The following SLC24A2 variants were observed in gnomAD, a reference collection of about 807,000 sequenced individuals.
SLC24A2 encodes solute carrier family 24 member 2, also known as sodium/potassium/calcium exchanger 2.
Under a neutral mutation model 62.0 loss-of-function variants are expected in SLC24A2, and 36 were observed. The ratio of observed to expected loss-of-function variants is 0.58; its 90% CI spans 0.44 to 0.77. SLC24A2 has a LOEUF of 0.77. SLC24A2 is among the 30% of genes least tolerant of loss of function. The pLI is 0.00. For missense variants in SLC24A2, 846 were observed against 817.9 expected (o/e 1.03, Z -0.42); for synonymous variants, 358 against 294.0 (o/e 1.22, Z -2.23).
chr9:19,851,700 T>A, the SLC24A2 span, among the ~76,000 whole-genome samples: 5 of 152,234 alleles, frequency 3.3e-5, no homozygotes, highest in Admixed American at 3.3e-4. Flanking sequence ...GGTGTGTATG[T>A]ACCACATTTT....
At chr9:19,549,536 G>T (rs1352271474) in intron 8 of SLC24A2, among the ~76,000 whole-genome samples, 3 of 152,172 alleles carry the variant, frequency 2.0e-5, no homozygotes, top group Admixed American at 6.5e-5. Context: ...GACCTCTTAT[G>T]TAAAACATTT....
chr9:19,739,684 A>C (rs1821616124), intron 2 of SLC24A2, among the ~76,000 whole-genome samples: 1 of 152,190 alleles, frequency 6.6e-6, no homozygotes, highest in Admixed American at 6.5e-5. Context: ...TTATAAAGCT[A>C]AATGTAAAAG....
At chr9:20,024,863 G>A in the SLC24A2 span, among the ~76,000 whole-genome samples, 3 of 152,104 alleles carry the variant, frequency 2.0e-5, no homozygotes, top group Non-Finnish European at 4.4e-5. Flanking sequence ...GTGTTTTTCA[G>A]TTTGTGGACA....
intron 10 of SLC24A2, among the ~76,000 whole-genome samples, chr9:19,519,166 C>T (rs932018716): frequency 4.6e-5 from 7 of 152,078 alleles, no homozygotes; most frequent in Non-Finnish European, 1.0e-4. Flanking sequence ...CTAATTTATT[C>T]ATAGATGCCT....
At chr9:19,636,716 G>C (rs1818366849) in intron 2 of SLC24A2, among the ~76,000 whole-genome samples, 1 of 152,028 alleles carries the variant, frequency 6.6e-6, no homozygotes, top group Admixed American at 6.6e-5. Flanking sequence ...TTACAGGTGT[G>C]AGCCACCACG....
intron 2 of SLC24A2, among the ~76,000 whole-genome samples, chr9:19,699,078 C>T (rs1049963778): frequency 1.3e-5 from 2 of 152,098 alleles, no homozygotes; most frequent in Admixed American, 1.3e-4. Flanking sequence ...GGAATTCCTG[C>T]CTAGAGGTGC....
intron 2 of SLC24A2, among the ~76,000 whole-genome samples, chr9:19,670,905 C>T (rs985289530): frequency 3.3e-5 from 5 of 152,128 alleles, no homozygotes; most frequent in South Asian, 4.1e-4. Flanking sequence ...TTAATCCAGC[C>T]ACCAGTGCCA....
chr9:20,189,962 T>A, the SLC24A2 span, among the ~76,000 whole-genome samples: 3 of 152,140 alleles, frequency 2.0e-5, no homozygotes, highest in Non-Finnish European at 4.4e-5. Context: ...TCATTCAGAC[T>A]CGAAGACAGC....
chr9:19,568,513 T>C (rs1173859923), intron 7 of SLC24A2, among the ~76,000 whole-genome samples: 1 of 152,258 alleles, frequency 6.6e-6, no homozygotes, highest in Admixed American at 6.5e-5. Context: ...GTGCTTATAA[T>C]GTGCCAAGAA....
chr9:20,203,535 C>A, the SLC24A2 span, among the ~76,000 whole-genome samples: 4 of 152,124 alleles, frequency 2.6e-5, no homozygotes. Flanking sequence ...ACTAACAGTC[C>A]ATGCTACTAA....
At chr9:19,818,698 T>C in the SLC24A2 span, among the ~76,000 whole-genome samples, 2 of 151,934 alleles carry the variant, frequency 1.3e-5, no homozygotes, top group African/African-American at 2.4e-5. Context: ...AAATCATAGA[T>C]GACACAAACA....
the SLC24A2 span, among the ~76,000 whole-genome samples, chr9:20,091,513 C>A: frequency 6.6e-6 from 1 of 151,966 alleles, no homozygotes; most frequent in Non-Finnish European, 1.5e-5. Context: ...TCAGCAGAAA[C>A]CCTACAAGCC....
At chr9:20,105,665 A>C in the SLC24A2 span, among the ~76,000 whole-genome samples, 1 of 151,974 alleles carries the variant, frequency 6.6e-6, no homozygotes, top group African/African-American at 2.4e-5. Flanking sequence ...ACAAAGACAC[A>C]ACATACCAGA....
chr9:20,233,251 G>T, the SLC24A2 span, among the ~76,000 whole-genome samples: 3 of 152,292 alleles, frequency 2.0e-5, no homozygotes, highest in African/African-American at 7.2e-5. Context: ...TCTGCTTGGT[G>T]CAGAGCTGAG....
the SLC24A2 span, among the ~76,000 whole-genome samples, chr9:20,225,395 G>T: frequency 1.3e-5 from 2 of 150,320 alleles, no homozygotes; most frequent in Non-Finnish European, 2.9e-5. Flanking sequence ...TACTTTTGGG[G>T]AGGAGGAAGG....
chr9:20,087,207 T>C, the SLC24A2 span, among the ~76,000 whole-genome samples: 1 of 152,180 alleles, frequency 6.6e-6, no homozygotes, highest in African/African-American at 2.4e-5. Context: ...AATTAATTCA[T>C]TAATAAATAT....
the SLC24A2 span, among the ~76,000 whole-genome samples, chr9:20,160,344 G>C: frequency 6.6e-6 from 1 of 151,388 alleles, no homozygotes; most frequent in Non-Finnish European, 1.5e-5. Context: ...ATTAGTAACA[G>C]AAGACTTTAA....
At chr9:20,182,778 A>G in the SLC24A2 span, among the ~76,000 whole-genome samples, 1 of 152,212 alleles carries the variant, frequency 6.6e-6, no homozygotes, top group African/African-American at 2.4e-5. Flanking sequence ...AATTTAAAGT[A>G]TGATACAAAA....
chr9:20,276,687 C>G, the SLC24A2 span, among the ~76,000 whole-genome samples: 268 of 152,374 alleles, frequency 1.8e-3, 1 homozygote, highest in African/African-American at 6.0e-3. Context: ...CATGAGGGCT[C>G]TGCCCCTGCA....
Sources: gnomAD v4.1 joint callset for allele counts (sites outside exome capture counted in the v4.1 genomes callset) on GRCh38, gnomAD v4.1.1 for gene constraint, MANE v1.5 for transcripts, NCBI Gene and HGNC (gene_info 2026-07-23, HGNC 2026-07-21) for gene names.